Variants in TENM4 observed in about 807,000 individuals in gnomAD.
TENM4 encodes the protein teneurin transmembrane protein 4, also known as teneurin-4.
TENM4 carries 82 observed loss-of-function variants against 243.3 expected under a neutral mutation model. The ratio of observed to expected loss-of-function variants is 0.34; its 90% CI spans 0.28 to 0.40. The LOEUF (loss-of-function observed/expected upper bound fraction) is 0.40, where lower values mean the gene tolerates loss of function less well. TENM4 is among the 10% of genes least tolerant of loss of function. The pLI is 1.00. For synonymous variants in TENM4, 1,412 were observed against 1,456.3 expected (o/e 0.97, Z 0.69); for missense variants, 3,138 against 3,673.3 (o/e 0.85, Z 3.77).
chr11:79,078,272 T>C (rs1036499681), intron 4 of TENM4, among the ~76,000 whole-genome samples: 6 of 152,208 alleles, frequency 3.9e-5, no homozygotes, highest in African/African-American at 1.4e-4. Context: ...GTGATATTTT[T>C]AGTTCTTTGT....
chr11:78,706,596 C>A (rs757535741), intron 27 of TENM4, among the ~76,000 whole-genome samples: 3 of 152,154 alleles, frequency 2.0e-5, no homozygotes, highest in Non-Finnish European at 4.4e-5. Flanking sequence ...TAGTGAGGGC[C>A]TTTAGAGATT....
chr11:78,698,496 T>C (rs1295907434), intron 28 of TENM4, among the ~76,000 whole-genome samples: 1 of 152,230 alleles, frequency 6.6e-6, no homozygotes, highest in African/African-American at 2.4e-5. Context: ...TGGGCAATTT[T>C]TTTTTTTAGA....
At chr11:79,115,343 A>G (rs1445822159) in intron 4 of TENM4, among the ~76,000 whole-genome samples, 1 of 152,088 alleles carries the variant, frequency 6.6e-6, no homozygotes, top group East Asian at 1.9e-4. Context: ...ATGTCAAATT[A>G]TCTCTTTTTA....
intron 9 of TENM4, among the ~76,000 whole-genome samples, chr11:78,869,208 T>C (rs1337729191): frequency 6.7e-6 from 1 of 149,848 alleles, no homozygotes; most frequent in East Asian, 1.9e-4. Flanking sequence ...AGGTACAGGA[T>C]GGAATATAAG....
chr11:78,855,413 A>C (rs1858657593), intron 11 of TENM4, among the ~76,000 whole-genome samples: 1 of 152,154 alleles, frequency 6.6e-6, no homozygotes, highest in Non-Finnish European at 1.5e-5. Flanking sequence ...TCTGGTGTGC[A>C]TGTGTTTGAG....
intron 6 of TENM4, among the ~76,000 whole-genome samples, chr11:78,943,793 G>A (rs1856954775): frequency 6.6e-6 from 1 of 152,154 alleles, no homozygotes. Context: ...GTAAATAAAT[G>A]TTAGTTTTCT....
intron 5 of TENM4, among the ~76,000 whole-genome samples, 198 bp from the exon 6 acceptor site, chr11:79,065,205 C>A (rs1383663195): frequency 6.6e-6 from 1 of 152,144 alleles, no homozygotes; most frequent in African/African-American, 2.4e-5. Flanking sequence ...CAGCCTGAAC[C>A]CTCCATTTCC....
chr11:78,903,138 C>T (rs570978382), intron 7 of TENM4, 130 bp downstream of exon 7: 5 of 1,311,150 alleles, frequency 3.8e-6, no homozygotes, highest in East Asian at 6.0e-5. Flanking sequence ...ATCCCTAAAC[C>T]GTGCACCCAA....
At chr11:78,883,717 G>A (rs1855486960) in intron 9 of TENM4, among the ~76,000 whole-genome samples, 1 of 152,236 alleles carries the variant, frequency 6.6e-6, no homozygotes, top group African/African-American at 2.4e-5. Context: ...AGAACACAAG[G>A]GAAGCTGTCA....
chr11:78,857,654 G>C (rs1009429546), intron 10 of TENM4, among the ~76,000 whole-genome samples: 8 of 152,286 alleles, frequency 5.3e-5, no homozygotes, highest in South Asian at 4.1e-4. Flanking sequence ...AGTACCACTA[G>C]TATTCTGTCA....
chr11:79,334,306 A>G (rs983485269), intron 1 of TENM4, among the ~76,000 whole-genome samples: 9 of 152,142 alleles, frequency 5.9e-5, no homozygotes, highest in Admixed American at 5.9e-4. Context: ...TCTGAATGTG[A>G]TCACCCTGGA....
Position 78,738,555 on chromosome 11 carries a change from A to G in TENM4, c.2772T>C (p.Ile924=). 1.9e-6 allele frequency: 3 copies of G among 1,613,822 alleles called. No homozygotes were observed. The highest frequency in any genetic ancestry group is 2.2e-5 in the South Asian group (2 of 91,014). ...CATCTGATGTCATCACTTGGCCACG[A>G]ATAACACAAGCATGCCTGTGGGAAG... ...NPFDGGHACV[I]RGQVMTSDGT... The change falls in exon 20 of 34, where the codon ATT becomes ATC. Residue 924 remains isoleucine, a synonymous_variant. Transcript: ENST00000278550.
In TENM4 at chr11:79,293,923, G is replaced by A. The variant is rs149123343; in HGVS notation, c.-265+3565C>T. ...GTAGATAATGGGCATGGACCTGTAG[G>A]CAGAAAGAGGTTCTGAGCTCTCCCA... is the stretch of plus-strand genomic sequence containing the variant. On this transcript the variant is annotated intron_variant, in intron 2 of 33. Coordinates refer to ENST00000278550, the MANE Select transcript of TENM4 (RefSeq NM_001098816.3). Among the ~76,000 whole-genome samples the A allele has an allele frequency of 2.0e-5, 3 of 152,328 alleles. No individual in the cohort carries two copies. The East Asian group carries it at 5.8e-4, about 29-fold the overall frequency.
At chr11:78,917,884 T>G (rs1276433114) in intron 6 of TENM4, among the ~76,000 whole-genome samples, 1 of 152,206 alleles carries the variant, frequency 6.6e-6, no homozygotes, top group Non-Finnish European at 1.5e-5. Context: ...GTGCCCATTT[T>G]CCTGGCTTGA....
intron 19 of TENM4, among the ~76,000 whole-genome samples, chr11:78,752,121 G>A (rs770314260): frequency 1.3e-5 from 2 of 152,230 alleles, no homozygotes; most frequent in African/African-American, 2.4e-5. Flanking sequence ...TTTGAGGACA[G>A]CAGTGGCAGG....
At chr11:79,230,170 G>A (rs1194674979) in intron 2 of TENM4, among the ~76,000 whole-genome samples, 1 of 152,084 alleles carries the variant, frequency 6.6e-6, no homozygotes, top group Non-Finnish European at 1.5e-5. Flanking sequence ...CAAAGAAGCT[G>A]GCATTTTAGC....
chr11:79,386,341 A>G (rs1222233364), intron 1 of TENM4, among the ~76,000 whole-genome samples: 1 of 152,252 alleles, frequency 6.6e-6, no homozygotes, highest in Non-Finnish European at 1.5e-5. Flanking sequence ...TGTCTTCTTG[A>G]CCTTGCAGCA....
chr11:78,930,281 A>T (rs762188322), intron 6 of TENM4, among the ~76,000 whole-genome samples: 2 of 152,198 alleles, frequency 1.3e-5, no homozygotes, highest in Non-Finnish European at 2.9e-5. Context: ...AGAGAAGCTA[A>T]CTGATCAATG....
At chr11:79,189,897 A>T (rs1863446509) in intron 3 of TENM4, among the ~76,000 whole-genome samples, 1 of 152,122 alleles carries the variant, frequency 6.6e-6, no homozygotes, top group Non-Finnish European at 1.5e-5. Flanking sequence ...ATCACAGAGC[A>T]CTCTGGGATC....
Sources: allele counts gnomAD v4.1 joint callset (sites outside exome capture counted in the v4.1 genomes callset), GRCh38; gene constraint gnomAD v4.1.1; transcripts MANE v1.5; gene names NCBI Gene and HGNC (gene_info 2026-07-23, HGNC 2026-07-21).